The following VSIG1 variants were observed in gnomAD, a reference collection of about 807,000 sequenced individuals.
VSIG1 encodes V-set and immunoglobulin domain containing 1.
Under a neutral mutation model 20.1 loss-of-function variants are expected in VSIG1, and 11 were observed. The observed-to-expected ratio is 0.55, with a 90% CI of 0.34 to 0.91. The LOEUF (loss-of-function observed/expected upper bound fraction) is 0.91, where lower values mean the gene tolerates loss of function less well. VSIG1 is among the 40% of genes least tolerant of loss of function. The pLI, the probability that VSIG1 is intolerant of heterozygous loss-of-function variation, is 0.02. For missense variants in VSIG1, 283 were observed against 298.8 expected, an observed-to-expected ratio of 0.95 and a Z score of 0.39; for synonymous variants, 126 against 116.7, an observed-to-expected ratio of 1.08 and a Z score of -0.52.
chrX:108,032,926 A>T, the VSIG1 span, among the ~76,000 whole-genome samples: 1 of 110,692 alleles, frequency 9.0e-6, no homozygotes. Context: ...CCAGGGAGCT[A>T]TATGTAGGAC....
the VSIG1 span, among the ~76,000 whole-genome samples, chrX:108,019,470 T>C: frequency 3.6e-5 from 4 of 112,445 alleles, no homozygotes; most frequent in African/African-American, 1.3e-4. Context: ...GGCATGGCTG[T>C]GCTGCAGCCC....
At chrX:108,073,724 A>T (rs2031297425) in intron 5 of VSIG1, 1 of 141,988 alleles carries the variant, frequency 7.0e-6, no homozygotes, top group African/African-American at 3.2e-5. Context: ...GCTCTGACAA[A>T]CATATACCTT....
intron 1 of VSIG1, among the ~76,000 whole-genome samples, chrX:108,048,526 G>T (rs2030717124): frequency 8.9e-6 from 1 of 111,898 alleles, no homozygotes; most frequent in Admixed American, 9.4e-5. Context: ...TGCGTTCTTG[G>T]GTTTTGTTTA....
the VSIG1 span, among the ~76,000 whole-genome samples, chrX:108,034,083 T>C: frequency 1.8e-5 from 2 of 110,592 alleles, no homozygotes; most frequent in African/African-American, 6.6e-5. Flanking sequence ...CAAAGGATTG[T>C]GGGAGTCCTA....
chrX:108,064,046 A>G (rs1326243240), intron 2 of VSIG1, among the ~76,000 whole-genome samples: 2 of 112,549 alleles, frequency 1.8e-5, no homozygotes, highest in African/African-American at 6.5e-5. Flanking sequence ...TTGATTTTTA[A>G]AAGAGTTATT....
In VSIG1 at chrX:108,058,098, C is replaced by T. The variant is rs1426081273; in HGVS notation, c.110C>T (p.Ser37Phe). The change falls in exon 2 of 7, where the codon TCT (serine) becomes TTT (phenylalanine). Residue 37 changes from serine (S) to phenylalanine (F), a missense_variant. Coordinates refer to ENST00000217957, the MANE Select transcript of VSIG1 (RefSeq NM_182607.5). ...GGTTTCGTGAACGTGACTGTTGGATCTAATGTCACTCTCATCTGCATCTAC... is the reference window on the plus strand; with the variant it reads ...GGTTTCGTGAACGTGACTGTTGGATTTAATGTCACTCTCATCTGCATCTAC... Reference protein sequence around the residue: ...PDGFVNVTVGSNVTLICIYTT... With the variant: ...PDGFVNVTVGFNVTLICIYTT... 8.3e-7 allele frequency: 1 copy of T among 1,209,651 alleles called. No homozygotes were observed.
At chrX:108,029,580 T>C in the VSIG1 span, among the ~76,000 whole-genome samples, 1 of 112,142 alleles carries the variant, frequency 8.9e-6, no homozygotes. Context: ...GGAGTGTTAG[T>C]GTTAATGCCC....
At chrX:108,061,629 G>A (rs1049727140) in intron 2 of VSIG1, 24 of 713,684 alleles carry the variant, frequency 3.4e-5, no homozygotes, top group African/African-American at 2.1e-4. Context: ...GGGAGGGTCT[G>A]ACTTTGGTAA....
At chrX:108,050,963 C>A (rs1331047454) in intron 1 of VSIG1, among the ~76,000 whole-genome samples, 1 of 110,921 alleles carries the variant, frequency 9.0e-6, no homozygotes. Flanking sequence ...AGAAAGAAAC[C>A]TAGTCCTGGC....
chrX:108,053,564 C>A (rs2030830251), intron 1 of VSIG1, among the ~76,000 whole-genome samples: 1 of 111,339 alleles, frequency 9.0e-6, no homozygotes, highest in Non-Finnish European at 1.9e-5. Context: ...AAAAGGGAAA[C>A]AGAAGAATAA....
At chrX:108,044,713 C>A (rs1407003663), upstream of VSIG1, among the ~76,000 whole-genome samples, 6 of 111,793 alleles carry the variant, frequency 5.4e-5, no homozygotes, top group Admixed American at 5.7e-4. Flanking sequence ...TGAATCAATT[C>A]TGTAAGACTC....
In VSIG1 at chrX:108,064,643, T is replaced by C. The variant is rs1482832673; in HGVS notation, c.214-2293T>C. 8 of 494,958 alleles carry C rather than the reference T, an allele frequency of 1.6e-5. No homozygotes were observed. In the Admixed American group the frequency reaches 7.2e-4, roughly 45 times the overall value. 40.8% of individuals were successfully genotyped at this position (494,958 alleles called of 1,213,427 possible). On this transcript the variant is annotated intron_variant, in intron 2 of 6. Coordinates refer to ENST00000217957, the MANE Select transcript of VSIG1 (RefSeq NM_182607.5). ...CTGTGGGCCTCAGGCGTGACTGATG[T>C]TGTATCTCATTGTGATGTCATCAAG...
chrX:108,039,182 G>A, the VSIG1 span, among the ~76,000 whole-genome samples: 11 of 110,927 alleles, frequency 9.9e-5, 1 homozygote, highest in South Asian at 2.0e-3. Context: ...TTGTTTGTTC[G>A]TTTGTTATTG....
the VSIG1 span, among the ~76,000 whole-genome samples, chrX:108,023,599 T>A: frequency 9.6e-4 from 108 of 112,179 alleles, 1 homozygote; most frequent in East Asian, 2.8e-3. Flanking sequence ...GCATTTTTTT[T>A]AATTATTATT....
intron 1 of VSIG1, among the ~76,000 whole-genome samples, chrX:108,047,229 C>T (rs998334922): frequency 9.0e-6 from 1 of 111,497 alleles, no homozygotes; most frequent in Non-Finnish European, 1.9e-5. Flanking sequence ...TCCCAAATTC[C>T]AAACATCCAG....
chrX:108,047,588 T>C (rs566665423), intron 1 of VSIG1, among the ~76,000 whole-genome samples: 2 of 108,430 alleles, frequency 1.8e-5, no homozygotes, highest in Non-Finnish European at 3.8e-5. Context: ...AAAATGAATC[T>C]ATTATATATG....
chrX:108,034,863 A>G, the VSIG1 span, among the ~76,000 whole-genome samples: 2 of 111,737 alleles, frequency 1.8e-5, no homozygotes, highest in Admixed American at 9.5e-5. Context: ...CTTTGTCACT[A>G]GGCTATGCTG....
intron 2 of VSIG1, chrX:108,061,371 G>A (rs2031017932): frequency 1.1e-6 from 1 of 923,448 alleles, no homozygotes; most frequent in Admixed American, 2.7e-5. Context: ...GGGTTGATGT[G>A]GCAGTATACT....
intron 6 of VSIG1, among the ~76,000 whole-genome samples, chrX:108,076,645 A>C (rs1311694767): frequency 8.9e-6 from 1 of 111,832 alleles, no homozygotes; most frequent in Admixed American, 9.5e-5. Context: ...CCTAGTGTGT[A>C]TCTCACTCAT....
Sources: allele counts gnomAD v4.1 joint callset (sites outside exome capture counted in the v4.1 genomes callset), GRCh38; gene constraint gnomAD v4.1.1; transcripts MANE v1.5; gene names NCBI Gene and HGNC (gene_info 2026-07-23, HGNC 2026-07-21).